Variants in PKN2 observed in about 807,000 individuals in gnomAD.
The protein encoded by PKN2 is protein kinase N2, also known as serine/threonine-protein kinase N2.
In PKN2, 38 loss-of-function variants were observed where a neutral mutation model predicts 119.1. That is an observed-to-expected ratio of 0.32 (90% CI 0.25 to 0.42). The LOEUF is 0.42. Ranked by LOEUF, PKN2 falls within the 10% of genes least tolerant of loss-of-function variation. The probability of loss-of-function intolerance (pLI) is 1.00; values close to 1 mark genes in which losing one functional copy is unlikely to be tolerated. For synonymous variants in PKN2, 390 were observed against 384.9 expected (o/e 1.01, Z -0.15); for missense variants, 850 against 1,165.1 (o/e 0.73, Z 3.94).
intron 2 of PKN2, among the ~76,000 whole-genome samples, chr1:88,748,887 A>T (rs1329527880): frequency 1.3e-5 from 2 of 152,150 alleles, no homozygotes; most frequent in Non-Finnish European, 2.9e-5. Flanking sequence ...TTGAGCCATG[A>T]TCATGCCACT....
chr1:88,747,395 A>G (rs536428712), intron 2 of PKN2, among the ~76,000 whole-genome samples: 4 of 152,184 alleles, frequency 2.6e-5, no homozygotes, highest in Non-Finnish European at 5.9e-5. Context: ...GATTAGAAAT[A>G]AAAATAGTTT....
intron 1 of PKN2, among the ~76,000 whole-genome samples, chr1:88,730,113 G>A (rs1002236983): frequency 1.3e-5 from 2 of 151,978 alleles, no homozygotes; most frequent in South Asian, 2.1e-4. Flanking sequence ...TGCAGTGAGC[G>A]GAGATTGTGC....
intron 8 of PKN2, among the ~76,000 whole-genome samples, chr1:88,787,744 T>C (rs1670639939): frequency 6.6e-6 from 1 of 152,230 alleles, no homozygotes; most frequent in Non-Finnish European, 1.5e-5. Context: ...CAGGCATTTT[T>C]CCCACTTTGG....
chr1:88,688,188 C>A (rs1220935084), intron 1 of PKN2, among the ~76,000 whole-genome samples: 1 of 152,124 alleles, frequency 6.6e-6, no homozygotes, highest in African/African-American at 2.4e-5. Context: ...CAGGTTCAAG[C>A]GATTCTCCTG....
At chr1:88,802,621 C>T (rs779457670) in intron 8 of PKN2, among the ~76,000 whole-genome samples, 7 of 152,096 alleles carry the variant, frequency 4.6e-5, no homozygotes, top group Non-Finnish European at 8.8e-5. Context: ...CCACCTTGCC[C>T]AGCCTATAAT....
intron 1 of PKN2, among the ~76,000 whole-genome samples, chr1:88,722,026 T>G (rs1667700277): frequency 6.6e-6 from 1 of 152,194 alleles, no homozygotes. Context: ...AGACGAAAGT[T>G]GATAGAATTG....
intron 1 of PKN2, among the ~76,000 whole-genome samples, chr1:88,721,407 A>G (rs1667677313): frequency 6.6e-6 from 1 of 152,086 alleles, no homozygotes; most frequent in Admixed American, 6.5e-5. Context: ...TTGGTTAGTA[A>G]TAGGTATACG....
intron 18 of PKN2, among the ~76,000 whole-genome samples, chr1:88,826,753 A>G (rs534128734): frequency 6.6e-6 from 1 of 152,268 alleles, no homozygotes; most frequent in East Asian, 1.9e-4. Context: ...GTATTTATTA[A>G]TCTAGAGCCT....
Position 88,734,211 on chromosome 1 carries a change from C to T in PKN2, c.49-6777C>T, listed in dbSNP as rs12755177. Among the ~76,000 whole-genome samples, 826 of 151,736 alleles carry T rather than the reference C, an allele frequency of 5.4e-3. 5 individuals carry two copies. Among genetic ancestry groups the T allele is most frequent in the Non-Finnish European group, 8.7e-3 (592 of 67,904 alleles). On this transcript the variant is annotated intron_variant, in intron 1 of 21. Coordinates refer to ENST00000370521, the MANE Select transcript of PKN2 (RefSeq NM_006256.4). ...GTTTTAGAGTTTTGGATTTAGAATG[C>T]TCAAACTGTTTTTGCTTTTGTTGCC...
intron 1 of PKN2, among the ~76,000 whole-genome samples, chr1:88,713,959 C>G (rs1286338180): frequency 6.6e-6 from 1 of 152,138 alleles, no homozygotes; most frequent in South Asian, 2.1e-4. Context: ...AATATTTGTA[C>G]AAGGTGTAAG....
chr1:88,820,394 G>A (rs1222358675), intron 16 of PKN2, among the ~76,000 whole-genome samples: 2 of 150,412 alleles, frequency 1.3e-5, no homozygotes, highest in African/African-American at 2.4e-5. Context: ...TTAGCTGGGC[G>A]TGGTGGCACA....
rs1043583987 is a variant in PKN2 at position 88,738,839 on chromosome 1, C to T, written c.49-2149C>T. Reference sequence around the variant, plus strand: ...GCATTTTTTGCCTCAGTCCACTTTACCTGAAACTAGACAATATGAATTTGG... The same window carrying T: ...GCATTTTTTGCCTCAGTCCACTTTATCTGAAACTAGACAATATGAATTTGG... On this transcript the variant is annotated intron_variant, in intron 1 of 21. Coordinates refer to ENST00000370521, the MANE Select transcript of PKN2 (RefSeq NM_006256.4). Among the ~76,000 whole-genome samples the T allele has an allele frequency of 7.2e-5, 11 of 152,196 alleles. No individual in the cohort carries two copies. The South Asian group carries it at 1.0e-3, about 14-fold the overall frequency.
intron 19 of PKN2, among the ~76,000 whole-genome samples, chr1:88,832,006 G>A (rs1166489194): frequency 6.6e-6 from 1 of 151,926 alleles, no homozygotes; most frequent in African/African-American, 2.4e-5. Context: ...ATGTCTCAGG[G>A]TCATTATGAA....
chr1:88,735,662 A>G (rs1040658317), intron 1 of PKN2, among the ~76,000 whole-genome samples: 5 of 122,152 alleles, frequency 4.1e-5, no homozygotes, highest in Admixed American at 1.2e-4. Context: ...ATATCATCTC[A>G]CTCATCCTGA....
At position 88,754,077 on chromosome 1, in the gene PKN2, C is replaced by T. The variant is rs1403431845; in HGVS notation, c.350-6145C>T. 5.3e-4 allele frequency among the ~76,000 whole-genome samples: 81 copies of T among 151,994 alleles called. 1 individual carries two copies. Among genetic ancestry groups the T allele is most frequent in the Admixed American group, 5.3e-3 (81 of 15,256 alleles). ...TGTGTCCAAGTGTGGACTTTTTTCC[C>T]CTATATGTTTATGCTTGGGGTTGAT... is the stretch of plus-strand genomic sequence containing the variant. On this transcript the variant is annotated intron_variant, in intron 2 of 21. Coordinates refer to ENST00000370521, the MANE Select transcript of PKN2 (RefSeq NM_006256.4).
intron 4 of PKN2, 31 bp from the exon 5 acceptor site, chr1:88,771,390 G>T (rs771322862): frequency 6.5e-7 from 1 of 1,547,720 alleles, no homozygotes; most frequent in Admixed American, 2.0e-5. Context: ...TCAGATAAAT[G>T]GTGCAATTAA....
intron 16 of PKN2, among the ~76,000 whole-genome samples, chr1:88,815,771 C>A (rs571788357): frequency 6.6e-6 from 1 of 152,118 alleles, no homozygotes; most frequent in African/African-American, 2.4e-5. Context: ...GACACAATAC[C>A]GGACAAACAG....
intron 8 of PKN2, among the ~76,000 whole-genome samples, chr1:88,802,381 A>G (rs1441391498): frequency 2.7e-5 from 4 of 150,840 alleles, no homozygotes; most frequent in African/African-American, 9.7e-5. Context: ...GCTGGAGTGT[A>G]GTGGCATGAT....
rs1249369191 is a variant in PKN2, at chr1:88,807,739, A to G, written c.2066A>G (p.Lys689Arg). The change falls in exon 15 of 22, where the codon AAG (lysine) becomes AGG (arginine). Residue 689 changes from lysine to arginine, a missense_variant. By Grantham distance (26) the Lys-to-Arg change is conservative. Transcript: ENST00000370521. Reference sequence around the variant, plus strand: ...GAGATGTTTGCTATAAAAGCCTTAAAGAAAGGAGATATTGTGGCTCGAGAT... The same window carrying G: ...GAGATGTTTGCTATAAAAGCCTTAAGGAAAGGAGATATTGTGGCTCGAGAT... ...TNEMFAIKAL[K>R]KGDIVARDEV... 2 of 1,601,874 alleles carry G rather than the reference A, an allele frequency of 1.2e-6. No homozygotes were observed. Among genetic ancestry groups the G allele is most frequent in the African/African-American group, 1.3e-5 (1 of 74,458 alleles).
Sources: gnomAD v4.1 joint callset for allele counts (sites outside exome capture counted in the v4.1 genomes callset) on GRCh38, gnomAD v4.1.1 for gene constraint, MANE v1.5 for transcripts, NCBI Gene and HGNC (gene_info 2026-07-23, HGNC 2026-07-21) for gene names.